The following NIPSNAP3A variants were observed in gnomAD, a reference collection of about 807,000 sequenced individuals.
NIPSNAP3A encodes the protein protein NipSnap homolog 3A.
Under a neutral mutation model 32.3 loss-of-function variants are expected in NIPSNAP3A, and 27 were observed. The ratio of observed to expected loss-of-function variants is 0.84; its 90% CI spans 0.62 to 1.15. The LOEUF is 1.15. NIPSNAP3A is among the 50% of genes most tolerant of loss of function. NIPSNAP3A has a pLI of 0.00. For missense variants in NIPSNAP3A, 278 were observed against 297.2 expected (o/e 0.94, Z 0.48); for synonymous variants, 108 against 107.3 (o/e 1.01, Z -0.04).
chr9:104,747,749 G>A lies in NIPSNAP3A; in HGVS notation c.-44G>A, dbSNP rs1430434984. Reference sequence around the variant, plus strand: ...TCGGGAAACCTTCAGAGGAGTCTCAGAAAGGACACGGCTGGCTGCTTTTCT... The same window carrying A: ...TCGGGAAACCTTCAGAGGAGTCTCAAAAAGGACACGGCTGGCTGCTTTTCT... On this transcript the variant is annotated 5_prime_UTR_variant, in exon 1 of 6. Transcript: ENST00000374767. The A allele has an allele frequency of 6.3e-7, 1 of 1,584,930 alleles. No individual in the cohort carries two copies. Among genetic ancestry groups the A allele is most frequent in the Non-Finnish European group, 8.6e-7 (1 of 1,164,246 alleles).
intron 1 of NIPSNAP3A, among the ~76,000 whole-genome samples, chr9:104,749,805 A>C (rs1329287602): frequency 6.6e-6 from 1 of 152,240 alleles, no homozygotes; most frequent in Non-Finnish European, 1.5e-5. Flanking sequence ...TGACTATTAC[A>C]AAAGGAATTA....
At chr9:104,757,569 T>A (rs1201187523) in intron 4 of NIPSNAP3A, among the ~76,000 whole-genome samples, 1 of 152,216 alleles carries the variant, frequency 6.6e-6, no homozygotes, top group African/African-American at 2.4e-5. Context: ...TATAAACACA[T>A]AGTTGTGCTC....
chr9:104,759,215 G>A (rs2297397), intron 5 of NIPSNAP3A, 44 bp downstream of exon 5: 311,993 of 1,613,430 alleles, frequency 0.19, 31,804 homozygotes, highest in East Asian at 0.28. Context: ...GAACAAATGT[G>A]TTTCAGTCAG....
intron 4 of NIPSNAP3A, 87 bp from the exon 5 acceptor site, chr9:104,758,998 A>ATT: frequency 3.2e-6 from 3 of 943,502 alleles, no homozygotes; most frequent in Non-Finnish European, 4.8e-6. Context: ...AAAAAAAAAG[A>ATT]ATAGGATGGG....
At position 104,747,817 on chromosome 9, in the gene NIPSNAP3A, A is replaced by C. The variant is rs1166607239; in HGVS notation, c.25A>C (p.Thr9Pro). 1 of 1,608,794 alleles carries C rather than the reference A, an allele frequency of 6.2e-7. No individual in the cohort carries two copies. Among genetic ancestry groups the C allele is most frequent in the East Asian group, 2.2e-5 (1 of 44,790 alleles). ...CATGCTCGTCCTCAGAAGCGCCCTG[A>C]CTCGGGCGCTGGCCTCACGGACGCT... MLVLRSAL[T>P]RALASRTLAP... Residue 9 changes from threonine (T) to proline (P), a missense_variant, in exon 1 of 6, where the codon ACT (threonine) becomes CCT (proline). Coordinates refer to ENST00000374767, the MANE Select transcript of NIPSNAP3A (RefSeq NM_015469.3).
Position 104,747,740 on chromosome 9 carries a change from G to A in NIPSNAP3A, c.-53G>A. On this transcript the variant is annotated 5_prime_UTR_variant, in exon 1 of 6. Coordinates refer to ENST00000374767, the MANE Select transcript of NIPSNAP3A (RefSeq NM_015469.3). ...CCTTTCCACTCGGGAAACCTTCAGA[G>A]GAGTCTCAGAAAGGACACGGCTGGC... is the stretch of plus-strand genomic sequence containing the variant. 1 of 1,546,180 alleles carries A rather than the reference G, an allele frequency of 6.5e-7. No individual in the cohort carries two copies. Among genetic ancestry groups the A allele is most frequent in the Non-Finnish European group, 8.8e-7 (1 of 1,133,098 alleles).
intron 2 of NIPSNAP3A, among the ~76,000 whole-genome samples, chr9:104,752,335 C>T (rs1316607885): frequency 6.6e-6 from 1 of 152,148 alleles, no homozygotes; most frequent in East Asian, 1.9e-4. Context: ...TACGGTTTAA[C>T]TTCACTCATG....
chr9:104,757,686 T>C (rs1827921948), intron 4 of NIPSNAP3A, among the ~76,000 whole-genome samples: 1 of 152,222 alleles, frequency 6.6e-6, no homozygotes, highest in Admixed American at 6.5e-5. Flanking sequence ...TACATGTACG[T>C]CATATCGTGT....
At chr9:104,750,003 A>T (rs1827827626) in intron 1 of NIPSNAP3A, among the ~76,000 whole-genome samples, 1 of 152,226 alleles carries the variant, frequency 6.6e-6, no homozygotes, top group Admixed American at 6.5e-5. Context: ...CATTAGTTAC[A>T]TTCCAGTCCT....
intron 3 of NIPSNAP3A, 136 bp downstream of exon 3, chr9:104,753,200 G>C: frequency 1.3e-6 from 1 of 741,654 alleles, no homozygotes; most frequent in Non-Finnish European, 2.3e-6. Context: ...TGATTGTTGT[G>C]GTAAAAATAA....
At chr9:104,757,194 G>C (rs558708520) in intron 4 of NIPSNAP3A, among the ~76,000 whole-genome samples, 1 of 152,210 alleles carries the variant, frequency 6.6e-6, no homozygotes, top group Non-Finnish European at 1.5e-5. Flanking sequence ...TTCATTCTCA[G>C]TGTTAGGAGA....
At position 104,747,757 on chromosome 9, in the gene NIPSNAP3A, A is replaced by G; in HGVS notation, c.-36A>G. 1 of 1,594,356 alleles carries G rather than the reference A, an allele frequency of 6.3e-7. No individual in the cohort carries two copies. Among genetic ancestry groups the G allele is most frequent in the Admixed American group, 1.7e-5 (1 of 57,556 alleles). ...CCTTCAGAGGAGTCTCAGAAAGGACACGGCTGGCTGCTTTTCTCAGCGCCG... is the reference window on the plus strand; with the variant it reads ...CCTTCAGAGGAGTCTCAGAAAGGACGCGGCTGGCTGCTTTTCTCAGCGCCG... On this transcript the variant is annotated 5_prime_UTR_variant, in exon 1 of 6. Transcript: ENST00000374767.
intron 4 of NIPSNAP3A, among the ~76,000 whole-genome samples, chr9:104,756,641 A>G: frequency 7.3e-6 from 1 of 136,282 alleles, no homozygotes; most frequent in East Asian, 1.9e-4. Flanking sequence ...ATTTGACAAT[A>G]AAAATAAAAG....
intron 2 of NIPSNAP3A, among the ~76,000 whole-genome samples, chr9:104,752,409 C>T (rs574002694): frequency 1.3e-5 from 2 of 152,074 alleles, no homozygotes; most frequent in African/African-American, 4.8e-5. Context: ...TGTATCTGAA[C>T]TTGACTACCC....
chr9:104,752,715 T>G (rs1329022835), intron 2 of NIPSNAP3A, among the ~76,000 whole-genome samples, 191 bp from the exon 3 acceptor site: 1 of 152,200 alleles, frequency 6.6e-6, no homozygotes, highest in Non-Finnish European at 1.5e-5. Context: ...AGTTTGCATT[T>G]CTACTGCCCT....
chr9:104,748,050 T>C (rs1827798508), intron 1 of NIPSNAP3A, among the ~76,000 whole-genome samples, 198 bp downstream of exon 1: 1 of 126,276 alleles, frequency 7.9e-6, no homozygotes, highest in African/African-American at 2.6e-5. Context: ...AGGAGGCCGC[T>C]GCTAGGGGAA....
chr9:104,754,757 C>T, intron 4 of NIPSNAP3A, 57 bp downstream of exon 4: 1 of 1,375,466 alleles, frequency 7.3e-7, no homozygotes, highest in East Asian at 2.3e-5. Flanking sequence ...GACCTAAGTT[C>T]CTTGGGTCAG....
intron 4 of NIPSNAP3A, among the ~76,000 whole-genome samples, chr9:104,755,905 G>GT (rs1827901034): frequency 6.6e-6 from 1 of 151,560 alleles, no homozygotes; most frequent in Non-Finnish European, 1.5e-5. Context: ...GAACGACATA[G>GT]TGAGACCCTG....
intron 1 of NIPSNAP3A, among the ~76,000 whole-genome samples, chr9:104,748,881 T>C (rs1827812787): frequency 6.6e-6 from 1 of 152,142 alleles, no homozygotes; most frequent in Admixed American, 6.5e-5. Context: ...ATCCCTAACT[T>C]GGAGATAAGG....
Sources: gnomAD v4.1 joint callset for allele counts (sites outside exome capture counted in the v4.1 genomes callset) on GRCh38, gnomAD v4.1.1 for gene constraint, MANE v1.5 for transcripts, NCBI Gene and HGNC (gene_info 2026-07-23, HGNC 2026-07-21) for gene names.